The following COL5A2 variants were observed in gnomAD, a reference collection of about 807,000 sequenced individuals.
COL5A2 encodes collagen alpha-2(V) chain.
In COL5A2, 23 loss-of-function variants were observed where a neutral mutation model predicts 208.2. The ratio of observed to expected loss-of-function variants is 0.11; its 90% CI spans 0.08 to 0.16. COL5A2 has a LOEUF of 0.16. COL5A2 is among the 10% of genes least tolerant of loss of function. The probability of loss-of-function intolerance (pLI) is 1.00; values close to 1 mark genes in which losing one functional copy is unlikely to be tolerated. For missense variants in COL5A2, 1,590 were observed against 1,956.4 expected (o/e 0.81, Z 3.53); for synonymous variants, 625 against 628.5 (o/e 0.99, Z 0.08).
chr2:189,347,001 TA>T, the COL5A2 span, among the ~76,000 whole-genome samples: 5 of 152,142 alleles, frequency 3.3e-5, no homozygotes, highest in African/African-American at 1.2e-4. Flanking sequence ...AAACAAATTT[TA>T]AAACAGGAAG....
chr2:189,194,568 T>C lies in COL5A2; in HGVS notation c.-42+30580A>G, dbSNP rs370826672. Among the ~76,000 whole-genome samples, 42 of 152,304 alleles carry C rather than the reference T, an allele frequency of 2.8e-4. No individual in the cohort carries two copies. The East Asian group carries it at 3.9e-3, about 14-fold the overall frequency. On this transcript the variant is annotated intron_variant, in intron 1 of 10. Coordinates refer to the COL5A2 transcript ENST00000649966. ...AATGGCTGCATAATATTCTAACTCA[T>C]ATGTATAATTAATTTAGCCACTTCC...
At chr2:189,043,007 C>A in intron 48 of COL5A2, 144 bp downstream of exon 48, 1 of 789,158 alleles carries the variant, frequency 1.3e-6, no homozygotes, top group South Asian at 1.5e-5. Context: ...TGGCAATTAT[C>A]ACTTGTTATT....
chr2:189,286,328 G>A, the COL5A2 span, among the ~76,000 whole-genome samples: 2 of 152,076 alleles, frequency 1.3e-5, no homozygotes, highest in Non-Finnish European at 2.9e-5. Flanking sequence ...TTTTCAGCTG[G>A]CACACATGAA....
the COL5A2 span, among the ~76,000 whole-genome samples, chr2:189,427,470 C>A: frequency 1.3e-5 from 2 of 152,028 alleles, no homozygotes; most frequent in Non-Finnish European, 2.9e-5. Context: ...GGGTTGGAGC[C>A]CCCACACAGA....
the COL5A2 span, among the ~76,000 whole-genome samples, chr2:189,326,314 G>C: frequency 3.3e-5 from 5 of 152,144 alleles, no homozygotes; most frequent in African/African-American, 1.2e-4. Context: ...TAGGATGATG[G>C]TGGGGAGGGA....
chr2:189,369,143 C>T, the COL5A2 span, among the ~76,000 whole-genome samples: 1 of 152,190 alleles, frequency 6.6e-6, no homozygotes, highest in Middle Eastern at 3.4e-3. Flanking sequence ...TTGTAACTAA[C>T]TGGAAGAAGA....
chr2:189,406,337 G>A, the COL5A2 span, among the ~76,000 whole-genome samples: 2 of 152,068 alleles, frequency 1.3e-5, no homozygotes, highest in African/African-American at 4.8e-5. Flanking sequence ...ACATGAAGAA[G>A]TGGTAGACTC....
rs750574093 is a variant in COL5A2, at chr2:189,043,210, C to T, written c.3412G>A (p.Asp1138Asn). ...CCTCTGTGGCCCTTCTGACCTCTGT[C>T]ACCTCGGTCTCCATGATCACCTTTG... ...GDKGDHGDRGDRGQKGHRGFT... is the reference protein window; with the variant it reads ...GDKGDHGDRGNRGQKGHRGFT... Residue 1138 changes from aspartate to asparagine, a missense_variant, in exon 48 of 54, where the codon GAC becomes AAC. Asp to Asn is a conservative substitution (Grantham distance 23, BLOSUM62 1). Coordinates refer to ENST00000374866, the MANE Select transcript of COL5A2 (RefSeq NM_000393.5). 11 of 1,613,836 alleles carry T rather than the reference C, an allele frequency of 6.8e-6. No homozygotes were observed. Among genetic ancestry groups the T allele is most frequent in the South Asian group, 4.4e-5 (4 of 91,054 alleles).
At chr2:189,288,699 C>T in the COL5A2 span, among the ~76,000 whole-genome samples, 1 of 152,132 alleles carries the variant, frequency 6.6e-6, no homozygotes, top group South Asian at 2.1e-4. Flanking sequence ...AAGAATACTT[C>T]AAAATGCAAT....
At chr2:189,407,317 A>T in the COL5A2 span, among the ~76,000 whole-genome samples, 1 of 152,152 alleles carries the variant, frequency 6.6e-6, no homozygotes, top group Non-Finnish European at 1.5e-5. Flanking sequence ...GAGCCTGGAA[A>T]GCTTAAGAAT....
chr2:189,243,687 C>A, the COL5A2 span, among the ~76,000 whole-genome samples: 1 of 152,120 alleles, frequency 6.6e-6, no homozygotes, highest in Admixed American at 6.5e-5. Context: ...AACAATCATG[C>A]CTTCCCAACA....
At chr2:189,114,102 T>C (rs560737534) in intron 1 of COL5A2, among the ~76,000 whole-genome samples, 1 of 152,202 alleles carries the variant, frequency 6.6e-6, no homozygotes, top group South Asian at 2.1e-4. Flanking sequence ...CTCCTGAGAA[T>C]TTATAATTAA....
intron 1 of COL5A2, among the ~76,000 whole-genome samples, chr2:189,216,948 T>C (rs1472872129): frequency 2.0e-5 from 3 of 151,734 alleles, no homozygotes; most frequent in African/African-American, 4.8e-5. Context: ...CATGAAGAAA[T>C]TGCAAAATTA....
intron 1 of COL5A2, among the ~76,000 whole-genome samples, chr2:189,189,944 T>C (rs562265566): frequency 1.9e-3 from 287 of 152,236 alleles, no homozygotes; most frequent in Non-Finnish European, 3.1e-3. Context: ...AATTAAAACA[T>C]GTACATATCC....
the COL5A2 span, among the ~76,000 whole-genome samples, chr2:189,370,940 T>C: frequency 6.6e-6 from 1 of 152,300 alleles, no homozygotes; most frequent in Non-Finnish European, 1.5e-5. Flanking sequence ...TGTTGAAATG[T>C]AGTCCTCAAT....
chr2:189,393,647 ACT>A, the COL5A2 span, among the ~76,000 whole-genome samples: 1 of 151,880 alleles, frequency 6.6e-6, no homozygotes, highest in Admixed American at 6.6e-5. Context: ...CAGTGACTCA[ACT>A]CTTTCCCAAT....
the COL5A2 span, among the ~76,000 whole-genome samples, chr2:189,356,483 T>C: frequency 1.7e-3 from 257 of 152,320 alleles, 4 homozygotes; most frequent in African/African-American, 5.7e-3. Context: ...TTTCATTGAG[T>C]TGATCTTCAA....
At chr2:189,400,965 T>G in the COL5A2 span, among the ~76,000 whole-genome samples, 11 of 152,360 alleles carry the variant, frequency 7.2e-5, no homozygotes, top group East Asian at 1.9e-3. Context: ...AGATTGTTTT[T>G]CCTATGATGC....
chr2:189,075,407 T>G lies in COL5A2; in HGVS notation c.1090A>C (p.Lys364Gln). 6.2e-7 allele frequency: 1 copy of G among 1,605,114 alleles called. No individual in the cohort carries two copies. Among genetic ancestry groups the G allele is most frequent in the Non-Finnish European group, 8.5e-7 (1 of 1,172,304 alleles). The change falls in exon 17 of 54, where the codon AAA (lysine) becomes CAA (glutamine). Residue 364 changes from lysine (K) to glutamine (Q), a missense_variant. By Grantham distance (53) the Lys-to-Gln change is moderately conservative. Coordinates refer to ENST00000374866, the MANE Select transcript of COL5A2 (RefSeq NM_000393.5). ...GQRGAHGMPG[K>Q]PGPMGPLGIP... is the part of the protein sequence containing the mutation. ...ATATAACTCACCATTGGTCCAGGTT[T>G]TCCAGGCATACCATGTGCACCTCGT...
Sources: gnomAD v4.1 joint callset for allele counts (sites outside exome capture counted in the v4.1 genomes callset) on GRCh38, gnomAD v4.1.1 for gene constraint, MANE v1.5 for transcripts, NCBI Gene and HGNC (gene_info 2026-07-23, HGNC 2026-07-21) for gene names.